Variants in SLC39A7 observed in about 807,000 individuals in gnomAD.
SLC39A7 encodes zinc transporter SLC39A7.
Under a neutral mutation model 39.7 loss-of-function variants are expected in SLC39A7, and 25 were observed. The observed-to-expected ratio is 0.63, with a 90% CI of 0.46 to 0.88. The LOEUF is 0.88. Ranked by LOEUF, SLC39A7 falls within the 40% of genes least tolerant of loss-of-function variation. The pLI, the probability that SLC39A7 is intolerant of heterozygous loss-of-function variation, is 0.00. For missense variants in SLC39A7, 501 were observed against 592.1 expected, an observed-to-expected ratio of 0.85 and a Z score of 1.60; for synonymous variants, 181 against 234.1, an observed-to-expected ratio of 0.77 and a Z score of 2.07.
rs373995549 is a variant in SLC39A7 at position 33,203,854 on chromosome 6, A to G, written c.*41A>G. 3.1e-6 allele frequency: 5 copies of G among 1,602,704 alleles called. No homozygotes were observed. The highest frequency in any genetic ancestry group is 1.3e-5 in the African/African-American group (1 of 74,654). ...CCCCTGCCCCAAACCTCTACCCCTA[A>G]CTCCAGGTCAGGGGTGCGTAGAGGT... On this transcript the variant is annotated 3_prime_UTR_variant, in exon 7 of 7. Transcript: ENST00000374677.
At position 33,201,473 on chromosome 6, in the gene SLC39A7, C is replaced by T; in HGVS notation, c.228C>T (p.Thr76=). The change falls in exon 1 of 7, where the codon ACC becomes ACT. Residue 76 remains threonine, a synonymous_variant. Coordinates refer to ENST00000374677, the MANE Select transcript of SLC39A7 (RefSeq NM_006979.3). The surrounding 1 kb of genome is among the most constrained non-coding windows in gnomAD (Gnocchi z 5.9). The part of the protein sequence containing the change: ...HTHESIWHGH[T]HDHDHGHSHE... ...ACGAGAGCATCTGGCATGGACATAC[C>T]CACGATCACGACCATGGACATTCAC... 6.2e-7 allele frequency: 1 copy of T among 1,614,152 alleles called. No homozygotes were observed.
chr6:33,203,863 C>G lies in SLC39A7; in HGVS notation c.*50C>G, dbSNP rs1393627219. ...CAAACCTCTACCCCTAACTCCAGGT[C>G]AGGGGTGCGTAGAGGTTGGGGGCCC... On this transcript the variant is annotated 3_prime_UTR_variant, in exon 7 of 7. Transcript: ENST00000374677. The G allele has an allele frequency of 2.5e-6, 4 of 1,582,908 alleles. No individual in the cohort carries two copies. In the Admixed American group the frequency reaches 5.0e-5, roughly 20 times the overall value.
chr6:33,202,631 G>A lies in SLC39A7; in HGVS notation c.871G>A (p.Gly291Arg), dbSNP rs1178624890. 1 of 1,611,856 alleles carries A rather than the reference G, an allele frequency of 6.2e-7. No individual in the cohort carries two copies. The highest frequency in any genetic ancestry group is 1.7e-5 in the Admixed American group (1 of 59,632). The change falls in exon 5 of 7, where the codon GGA becomes AGA. Residue 291 changes from glycine to arginine, a missense_variant. Gly to Arg is a moderately radical substitution (Grantham distance 125). Transcript: ENST00000374677. ...KETRGVQKRRGGSTVPKDGPV... is the reference protein window; with the variant it reads ...KETRGVQKRRRGSTVPKDGPV... ...AACAAGAGGGGTTCAGAAGAGGCGA[G>A]GAGGGAGCACAGTACCCAAAGATGG... is the stretch of plus-strand genomic sequence containing the variant.
chr6:33,201,271 A>C lies in SLC39A7; in HGVS notation c.26A>C (p.His9Pro). The C allele has an allele frequency of 6.2e-7, 1 of 1,613,202 alleles. No homozygotes were observed. Among genetic ancestry groups the C allele is most frequent in the Non-Finnish European group, 8.5e-7 (1 of 1,179,692 alleles). The change falls in exon 1 of 7, where the codon CAC becomes CCC. Residue 9 changes from histidine (H) to proline (P), a missense_variant. His to Pro is a moderately conservative substitution (Grantham distance 77, BLOSUM62 -2). Transcript: ENST00000374677. This position sits in a 1 kb window ranked among gnomAD's most constrained non-coding sequence, Gnocchi z 5.9. MARGLGAPHWVAVGLLTWA... is the reference protein window; with the variant it reads MARGLGAPPWVAVGLLTWA... Reference sequence around the variant, plus strand: ...ATGGCCAGAGGCCTGGGGGCCCCCCACTGGGTGGCCGTGGGACTGCTGACC... The same window carrying C: ...ATGGCCAGAGGCCTGGGGGCCCCCCCCTGGGTGGCCGTGGGACTGCTGACC...
chr6:33,202,475 A>G (rs1774678262), intron 4 of SLC39A7, 48 bp downstream of exon 4: 1 of 1,605,828 alleles, frequency 6.2e-7, no homozygotes, highest in South Asian at 1.1e-5. Context: ...CTGCCTCAGA[A>G]TCTCCTCATC....
In SLC39A7 at chr6:33,202,618, T is replaced by A; in HGVS notation, c.858T>A (p.Val286=). ...AAGAAGAAAAGGAAACAAGAGGGGT[T>A]CAGAAGAGGCGAGGAGGGAGCACAG... ...SEEEEKETRG[V]QKRRGGSTVP... The change falls in exon 5 of 7, where the codon GTT becomes GTA. Residue 286 remains valine, a synonymous_variant. Transcript: ENST00000374677. 10 of 1,611,918 alleles carry A rather than the reference T, an allele frequency of 6.2e-6. No homozygotes were observed. The highest frequency in any genetic ancestry group is 8.5e-6 in the Non-Finnish European group (10 of 1,179,766).
At position 33,200,882 on chromosome 6, in the gene SLC39A7, C is replaced by T. The variant is rs1774475764; in HGVS notation, c.-364C>T. 7.0e-7 allele frequency: 1 copy of T among 1,430,712 alleles called. No homozygotes were observed. The highest frequency in any genetic ancestry group is 2.0e-5 in the Admixed American group (1 of 49,562). The allele number at this position is 1,430,712 out of a possible 1,614,324, so 88.6% of individuals were successfully genotyped here. A position where few individuals can be genotyped will look rare whatever the true frequency, so the allele number is the denominator to read the frequency against. ...ACGGAACTTCCTGTTCTCGCGGGAT[C>T]TAAAGGCGGGACTGCCACGTCCAAG... On this transcript the variant is annotated 5_prime_UTR_variant, in exon 1 of 7. Coordinates refer to ENST00000374677, the MANE Select transcript of SLC39A7 (RefSeq NM_006979.3). This position sits in a 1 kb window ranked among gnomAD's most constrained non-coding sequence, Gnocchi z 6.3.
Position 33,203,106 on chromosome 6 carries a change from G to A in SLC39A7, c.1137G>A (p.Gln379=), listed in dbSNP as rs1269456391. ...TCCAGTCTGGCTGCAGCAAAAAGCA[G>A]GTTGGTGATGTCTGCCAAACACAGC... is the stretch of plus-strand genomic sequence containing the variant. The part of the protein sequence containing the change: ...ILVQSGCSKK[Q]AMRLQLLTAV... Residue 379 remains glutamine, a splice_region_variant and synonymous_variant, in exon 6 of 7, where the codon CAG becomes CAA. Coordinates refer to ENST00000374677, the MANE Select transcript of SLC39A7 (RefSeq NM_006979.3). The A allele has an allele frequency of 6.3e-7, 1 of 1,581,454 alleles. No individual in the cohort carries two copies. Among genetic ancestry groups the A allele is most frequent in the Non-Finnish European group, 8.6e-7 (1 of 1,164,222 alleles).
chr6:33,204,254 G>C lies in SLC39A7; in HGVS notation c.*441G>C, dbSNP rs973302325. Reference sequence around the variant, plus strand: ...CAGAGAGGGTAACAGGAGGAGTCGGGGATAAACATCAAACATCAATCGTGT... The same window carrying C: ...CAGAGAGGGTAACAGGAGGAGTCGGCGATAAACATCAAACATCAATCGTGT... On this transcript the variant is annotated 3_prime_UTR_variant, in exon 7 of 7. Coordinates refer to ENST00000374677, the MANE Select transcript of SLC39A7 (RefSeq NM_006979.3). 1 of 475,246 alleles carries C rather than the reference G, an allele frequency of 2.1e-6. No individual in the cohort carries two copies. Among genetic ancestry groups the C allele is most frequent in the Admixed American group, 3.7e-5 (1 of 26,668 alleles). 29.4% of individuals were successfully genotyped at this position (475,246 alleles called of 1,614,324 possible).
rs1774852602 is a variant in SLC39A7, at chr6:33,204,436, C to T, written c.*623C>T. On this transcript the variant is annotated 3_prime_UTR_variant, in exon 7 of 7. Transcript: ENST00000374677. ...AATAAAGACCTCCGATCTTCCGCCCCACATGCAGTCTTTGTCTTTTTGGGG... is the reference window on the plus strand; with the variant it reads ...AATAAAGACCTCCGATCTTCCGCCCTACATGCAGTCTTTGTCTTTTTGGGG... The T allele has an allele frequency of 1.7e-6, 1 of 602,254 alleles. No individual in the cohort carries two copies. The highest frequency in any genetic ancestry group is 3.0e-6 in the Non-Finnish European group (1 of 338,056). The allele number at this position is 602,254 out of a possible 1,614,324, so 37.3% of individuals were successfully genotyped here.
rs1384898273 is a variant in SLC39A7, at chr6:33,201,496, C to G, written c.251C>G (p.Ser84Ter). The G allele has an allele frequency of 1.2e-6, 2 of 1,614,068 alleles. No homozygotes were observed. The highest frequency in any genetic ancestry group is 2.7e-5 in the African/African-American group (2 of 74,910). The change falls in exon 1 of 7, where the codon TCA (serine) becomes TGA (stop). Residue 84 changes from serine to a stop codon, truncating the protein, a stop_gained. Transcript: ENST00000374677. LOFTEE classifies it high-confidence loss of function. This position sits in a 1 kb window ranked among gnomAD's most constrained non-coding sequence, Gnocchi z 5.9. The stretch of plus-strand genomic sequence containing the variant: ...ACCCACGATCACGACCATGGACATT[C>G]ACATGAGGATTTACACCATGGCCAT... ...GHTHDHDHGH[S>*]HEDLHHGHSH...
rs1774563049 is a variant in SLC39A7 at position 33,201,546 on chromosome 6, C to T, written c.301C>T (p.Leu101Phe). ...TAGCCATGGCTACTCCCATGAGAGCCTCTACCACAGAGGACATGGACATGA... is the reference window on the plus strand; with the variant it reads ...TAGCCATGGCTACTCCCATGAGAGCTTCTACCACAGAGGACATGGACATGA... ...GHSHGYSHES[L>F]YHRGHGHDHE... The change falls in exon 1 of 7, where the codon CTC becomes TTC. Residue 101 changes from leucine to phenylalanine, a missense_variant. Physicochemically the swap from Leu to Phe is conservative, Grantham distance 22. Transcript: ENST00000374677. The surrounding 1 kb of genome is among the most constrained non-coding windows in gnomAD (Gnocchi z 5.9). 6.2e-7 allele frequency: 1 copy of T among 1,614,174 alleles called. No individual in the cohort carries two copies. The highest frequency in any genetic ancestry group is 8.5e-7 in the Non-Finnish European group (1 of 1,180,010).
At chr6:33,202,239 A>G (rs1290342444) in intron 3 of SLC39A7, 24 bp from the exon 4 acceptor site, 3 of 1,606,244 alleles carry the variant, frequency 1.9e-6, no homozygotes, top group Non-Finnish European at 2.6e-6. Flanking sequence ...ATCTCCCTTA[A>G]TGTCTCAATG....
In SLC39A7 at chr6:33,202,125, G is replaced by A; in HGVS notation, c.634G>A (p.Gly212Ser). The change falls in exon 3 of 7, where the codon GGC becomes AGC. Residue 212 changes from glycine to serine, a missense_variant and splice_region_variant. By Grantham distance (56) the Gly-to-Ser change is moderately conservative (BLOSUM62 0). Transcript: ENST00000374677. Reference protein sequence around the residue: ...EQPGHGHSHSGQGPILSVGLW... With the variant: ...EQPGHGHSHSSQGPILSVGLW... ...ACCCGGACATGGACACTCCCACAGT[G>A]GTGAGGAAGAGACAGATGGGGATGG... is the stretch of plus-strand genomic sequence containing the variant. 6.2e-7 allele frequency: 1 copy of A among 1,612,870 alleles called. No homozygotes were observed. The highest frequency in any genetic ancestry group is 1.7e-4 in the Middle Eastern group (1 of 6,060).
At position 33,204,017 on chromosome 6, in the gene SLC39A7, A is replaced by G. The variant is rs1774823372; in HGVS notation, c.*204A>G. 1.6e-6 allele frequency: 1 copy of G among 611,764 alleles called. No individual in the cohort carries two copies. The highest frequency in any genetic ancestry group is 1.8e-5 in the African/African-American group (1 of 54,090). 37.9% of individuals were successfully genotyped at this position (611,764 alleles called of 1,614,324 possible). A position where few individuals can be genotyped will look rare whatever the true frequency, so the allele number is the denominator to read the frequency against. ...GAGAATGAGAGGCCAGAGGGACCAT[A>G]GTGTTGGGCACTGTCTGACCATGTT... On this transcript the variant is annotated 3_prime_UTR_variant, in exon 7 of 7. Coordinates refer to ENST00000374677, the MANE Select transcript of SLC39A7 (RefSeq NM_006979.3).
At chr6:33,202,770 G>T (rs1243730261) in intron 5 of SLC39A7, 70 bp downstream of exon 5, 37 of 1,557,372 alleles carry the variant, frequency 2.4e-5, no homozygotes, top group Admixed American at 4.1e-5. Context: ...TATGTGCTGT[G>T]GGTAATGGCA....
At chr6:33,203,250 T>C (rs1562434750) in intron 6 of SLC39A7, 144 bp downstream of exon 6, 2 of 800,916 alleles carry the variant, frequency 2.5e-6, no homozygotes, top group Non-Finnish European at 3.9e-6. Context: ...GAAGTTCTGG[T>C]TACTTTGTCC....
In SLC39A7 at chr6:33,202,101, C is replaced by T; in HGVS notation, c.610C>T (p.Pro204Ser). 6.2e-7 allele frequency: 1 copy of T among 1,612,994 alleles called. No individual in the cohort carries two copies. The highest frequency in any genetic ancestry group is 8.5e-7 in the Non-Finnish European group (1 of 1,179,996). The stretch of plus-strand genomic sequence containing the variant: ...TCATTCTCACCACACTCTGGAGCAA[C>T]CCGGACATGGACACTCCCACAGTGG... Reference protein sequence around the residue: ...EPHSHHTLEQPGHGHSHSGQG... With the variant: ...EPHSHHTLEQSGHGHSHSGQG... The change falls in exon 3 of 7, where the codon CCC becomes TCC. Residue 204 changes from proline to serine, a missense_variant. Coordinates refer to ENST00000374677, the MANE Select transcript of SLC39A7 (RefSeq NM_006979.3).
At position 33,200,993 on chromosome 6, in the gene SLC39A7, A is replaced by G. The variant is rs1774491717; in HGVS notation, c.-253A>G. On this transcript the variant is annotated 5_prime_UTR_variant, in exon 1 of 7. The change abolishes an upstream ATG in the 5' untranslated region. Coordinates refer to ENST00000374677, the MANE Select transcript of SLC39A7 (RefSeq NM_006979.3). This position sits in a 1 kb window ranked among gnomAD's most constrained non-coding sequence, Gnocchi z 6.3. ...CCTTTCCAGGCCTTTTCCTCACCTA[A>G]TGAGTCGTAGAGACGAGGGCCCAGA... is the stretch of plus-strand genomic sequence containing the variant. The G allele has an allele frequency of 2.9e-5, 23 of 788,308 alleles. No individual in the cohort carries two copies. The highest frequency in any genetic ancestry group is 2.9e-4 in the South Asian group (20 of 68,618). 48.8% of individuals were successfully genotyped at this position (788,308 alleles called of 1,614,324 possible).
Sources: gnomAD v4.1 joint callset for allele counts on GRCh38, gnomAD v4.1.1 for gene constraint, Gnocchi (gnomAD v3.1) non-coding constraint, MANE v1.5 for transcripts, NCBI Gene and HGNC (gene_info 2026-07-23, HGNC 2026-07-21) for gene names.